SENP7: variants seen among roughly 807,000 people sequenced by gnomAD.
SENP7 encodes the protein sentrin-specific protease 7.
In SENP7, 64 loss-of-function variants were observed where a neutral mutation model predicts 141.2. The observed-to-expected ratio is 0.45, with a 90% CI of 0.37 to 0.56. SENP7 has a LOEUF of 0.56. Among genes scored for constraint, SENP7 ranks in the 20% least tolerant of loss-of-function variants. SENP7 has a pLI of 0.00. For synonymous variants in SENP7, 382 were observed against 426.4 expected (o/e 0.90, Z 1.28); for missense variants, 1,025 against 1,212.2 (o/e 0.85, Z 2.29).
intron 16 of SENP7, 132 bp from the exon 17 acceptor site, chr3:101,337,763 G>A: frequency 2.6e-6 from 2 of 756,302 alleles, no homozygotes; most frequent in Non-Finnish European, 3.9e-6. Flanking sequence ...AGTTTCCTCT[G>A]ATTTCAGCTT....
intron 4 of SENP7, among the ~76,000 whole-genome samples, chr3:101,424,579 C>T (rs1032196339): frequency 1.3e-5 from 2 of 152,032 alleles, no homozygotes; most frequent in African/African-American, 2.4e-5. Context: ...ACCTTCCCCC[C>T]ACACTGAGCA....
At chr3:101,359,987 A>T (rs2059851643) in intron 11 of SENP7, among the ~76,000 whole-genome samples, 1 of 151,942 alleles carries the variant, frequency 6.6e-6, no homozygotes, top group Admixed American at 6.6e-5. Flanking sequence ...GCTAATCATC[A>T]CTCTCATATA....
intron 4 of SENP7, among the ~76,000 whole-genome samples, chr3:101,448,903 A>C (rs547845735): frequency 1.3e-5 from 2 of 152,334 alleles, no homozygotes; most frequent in South Asian, 2.1e-4. Flanking sequence ...TGAGAGAAGA[A>C]GGCTTCAGAA....
intron 4 of SENP7, among the ~76,000 whole-genome samples, chr3:101,450,129 T>C (rs1319850593): frequency 2.0e-5 from 3 of 152,124 alleles, no homozygotes; most frequent in Non-Finnish European, 4.4e-5. Flanking sequence ...CATTGCATAA[T>C]GGTAAAGGGA....
chr3:101,478,788 A>G (rs149755158), intron 3 of SENP7, among the ~76,000 whole-genome samples: 1,610 of 152,298 alleles, frequency 0.011, 18 homozygotes, highest in Non-Finnish European at 0.02. Context: ...CAGACACAAA[A>G]TACCTCAACA....
In SENP7 at chr3:101,413,736, A is replaced by G. The variant is rs879204234; in HGVS notation, c.482+3857T>C. ...AAGGCTTCCTTAAAAAAAAAAAGGG[A>G]GGGGGGGGATAGTTTCCAAGACAAG... On this transcript the variant is annotated intron_variant, in intron 5 of 23. Transcript: ENST00000394095. Among the ~76,000 whole-genome samples, 207 of 148,104 alleles carry G rather than the reference A, an allele frequency of 1.4e-3. 1 individual carries two copies. The highest frequency in any genetic ancestry group is 2.6e-3 in the Non-Finnish European group (177 of 66,892).
chr3:101,449,462 C>A (rs1340488315), intron 4 of SENP7, among the ~76,000 whole-genome samples: 1 of 152,132 alleles, frequency 6.6e-6, no homozygotes, highest in East Asian at 1.9e-4. Context: ...TTAAGGGCAG[C>A]CAGAGAGGAA....
intron 16 of SENP7, among the ~76,000 whole-genome samples, 189 bp from the exon 17 acceptor site, chr3:101,337,820 AC>A (rs2059226261): frequency 2.0e-5 from 3 of 152,334 alleles, no homozygotes; most frequent in South Asian, 4.1e-4. Context: ...AGCAGAAATT[AC>A]CCACTTATTC....
rs972073510 is a variant in SENP7, at chr3:101,444,902, AAATG to A, written c.284+14049_284+14052del. Among the ~76,000 whole-genome samples, 53 of 151,180 alleles carry A rather than the reference AAATG, an allele frequency of 3.5e-4. No homozygotes were observed. In the East Asian group the frequency reaches 4.4e-3, roughly 13 times the overall value. ...AAACTTAAAGTATAATAATAATAATAAATGAATAAATAAATAAAAATAATAATAG... is the reference window on the plus strand; with the variant it reads ...AAACTTAAAGTATAATAATAATAATAAATAAATAAATAAAAATAATAATAG... On this transcript the variant is annotated intron_variant, in intron 4 of 23. Transcript: ENST00000394095.
At chr3:101,373,198 A>AT (rs1248400737) in intron 6 of SENP7, among the ~76,000 whole-genome samples, 1 of 151,988 alleles carries the variant, frequency 6.6e-6, no homozygotes, top group Non-Finnish European at 1.5e-5. Context: ...AATTTTCTTT[A>AT]TTTTCAGATT....
chr3:101,326,075 A>G lies in SENP7; in HGVS notation c.3021T>C (p.Pro1007=). 1 of 1,603,738 alleles carries G rather than the reference A, an allele frequency of 6.2e-7. No individual in the cohort carries two copies. The highest frequency in any genetic ancestry group is 8.5e-7 in the Non-Finnish European group (1 of 1,174,740). Residue 1007 remains proline (P), a synonymous_variant, in exon 24 of 24, where the codon CCT becomes CCC. Coordinates refer to ENST00000394095, the MANE Select transcript of SENP7 (RefSeq NM_020654.5). ...LQYVESFFKD[P]IVNFELPIHL... is the part of the protein sequence containing the mutation. The stretch of plus-strand genomic sequence containing the variant: ...GAATTGGAAGTTCAAAGTTAACAAT[A>G]GGATCCTAATGAGAGGAAAAAAAGA...
In SENP7 at chr3:101,469,629, C is replaced by T. The variant is rs1355415097; in HGVS notation, c.187-10577G>A. Among the ~76,000 whole-genome samples, 4 of 111,924 alleles carry T rather than the reference C, an allele frequency of 3.6e-5. 1 individual carries two copies. Among genetic ancestry groups the T allele is most frequent in the Non-Finnish European group, 7.6e-5 (4 of 52,380 alleles). 73.4% of individuals were successfully genotyped at this position (111,924 alleles called of 152,430 possible). On this transcript the variant is annotated intron_variant, in intron 3 of 23. Coordinates refer to ENST00000394095, the MANE Select transcript of SENP7 (RefSeq NM_020654.5). ...CATGAGGTCAGGAGATCGAGACCAT[C>T]CTGGCTAACAAGGTGAAACCCCGTC... is the stretch of plus-strand genomic sequence containing the variant.
chr3:101,468,397 G>A (rs113226341), intron 3 of SENP7, among the ~76,000 whole-genome samples: 2,086 of 152,152 alleles, frequency 0.014, 48 homozygotes, highest in African/African-American at 0.048. Context: ...ACCCCAAGAC[G>A]CATAATTGTC....
chr3:101,366,692 C>T lies in SENP7; in HGVS notation c.1056G>A (p.Leu352=), dbSNP rs2060046153. 1.9e-6 allele frequency: 3 copies of T among 1,613,282 alleles called. No homozygotes were observed. The highest frequency in any genetic ancestry group is 2.5e-6 in the Non-Finnish European group (3 of 1,179,546). ...TAGGTTTAGTTGTAATTTCTTCAGG[C>T]AGTTTTGGATCCTGATGATAGTTTT... is the stretch of plus-strand genomic sequence containing the variant. ...PSENYHQDPK[L]PEEITTKPTK... is the part of the protein sequence containing the mutation. The change falls in exon 9 of 24, where the codon CTG becomes CTA. Residue 352 remains leucine, a synonymous_variant. Transcript: ENST00000394095.
chr3:101,421,582 T>C (rs145743550), intron 4 of SENP7, among the ~76,000 whole-genome samples: 3 of 152,342 alleles, frequency 2.0e-5, no homozygotes, highest in East Asian at 3.9e-4. Context: ...AGAATTTATA[T>C]TGGAAAATAA....
In SENP7 at chr3:101,479,892, C is replaced by CAAAAAAAAAAAAA. The variant is rs1168285268; in HGVS notation, c.186+13968_186+13980dup. ...ATAGCAATTCCACTTACAACAGCTA[C>CAAAAAAAAAAAAA]AAAAAAAAAAAAAAAAAAAAAAAAA... On this transcript the variant is annotated intron_variant, in intron 3 of 23. Coordinates refer to ENST00000394095, the MANE Select transcript of SENP7 (RefSeq NM_020654.5). Among the ~76,000 whole-genome samples, 4 of 7,346 alleles carry CAAAAAAAAAAAAA rather than the reference C, an allele frequency of 5.4e-4. 1 individual carries two copies. Among genetic ancestry groups the CAAAAAAAAAAAAA allele is most frequent in the African/African-American group, 1.8e-3 (3 of 1,644 alleles). 4.8% of individuals were successfully genotyped at this position (7,346 alleles called of 152,430 possible).
intron 3 of SENP7, among the ~76,000 whole-genome samples, chr3:101,467,910 A>C (rs556336463): frequency 6.6e-6 from 1 of 152,268 alleles, no homozygotes; most frequent in Admixed American, 6.5e-5. Flanking sequence ...AAACTATTCC[A>C]AGCTAAAGAA....
intron 3 of SENP7, among the ~76,000 whole-genome samples, chr3:101,468,832 T>C (rs1316635998): frequency 6.6e-6 from 1 of 152,138 alleles, no homozygotes; most frequent in Non-Finnish European, 1.5e-5. Flanking sequence ...AACATCATAA[T>C]GACAGGATCA....
intron 5 of SENP7, among the ~76,000 whole-genome samples, chr3:101,416,074 A>G (rs974885479): frequency 1.3e-5 from 2 of 152,204 alleles, no homozygotes; most frequent in African/African-American, 4.8e-5. Flanking sequence ...GAATACAAAA[A>G]CAGGCACAAG....
Sources: gnomAD v4.1 joint callset for allele counts (sites outside exome capture counted in the v4.1 genomes callset) on GRCh38, gnomAD v4.1.1 for gene constraint, MANE v1.5 for transcripts, NCBI Gene and HGNC (gene_info 2026-07-23, HGNC 2026-07-21) for gene names.